Variants in FTCDNL1 observed in about 807,000 individuals in gnomAD.
FTCDNL1 encodes the protein formiminotransferase cyclodeaminase N-terminal like, also known as formiminotransferase N-terminal subdomain-containing protein.
In FTCDNL1, 11 loss-of-function variants were observed where a neutral mutation model predicts 5.9. The ratio of observed to expected loss-of-function variants is 1.87; its 90% CI spans 1.18 to 3.10. The LOEUF (loss-of-function observed/expected upper bound fraction) is 3.10, where lower values mean the gene tolerates loss of function less well. FTCDNL1 is among the 30% of genes most tolerant of loss of function. The probability of loss-of-function intolerance (pLI) is 0.00; values close to 1 mark genes in which losing one functional copy is unlikely to be tolerated. For missense variants in FTCDNL1, 115 were observed against 65.5 expected (o/e 1.76, Z -2.61); for synonymous variants, 58 against 24.8 (o/e 2.34, Z -3.99).
chr2:199,850,236 T>C (rs2076839668), intron 1 of FTCDNL1, among the ~76,000 whole-genome samples: 1 of 152,222 alleles, frequency 6.6e-6, no homozygotes, highest in African/African-American at 2.4e-5. Flanking sequence ...ATTGTTGTAA[T>C]AAAGCAACCC....
chr2:199,715,158 G>T, the FTCDNL1 span, among the ~76,000 whole-genome samples: 3 of 152,006 alleles, frequency 2.0e-5, no homozygotes, highest in Non-Finnish European at 4.4e-5. Flanking sequence ...CCTGCCTTCA[G>T]ACTTTTTGTA....
the FTCDNL1 span, among the ~76,000 whole-genome samples, chr2:199,682,483 ACAGCCTG>A: frequency 6.6e-6 from 1 of 152,212 alleles, no homozygotes; most frequent in Non-Finnish European, 1.5e-5. Context: ...GAATAAAAAG[ACAGCCTG>A]CATTTGAAAG....
At chr2:199,735,687 T>C in the FTCDNL1 span, among the ~76,000 whole-genome samples, 4,152 of 152,240 alleles carry the variant, frequency 0.027, 186 homozygotes, top group African/African-American at 0.095. Flanking sequence ...TGTTTGGTGG[T>C]GAGCAAGCAC....
chr2:199,794,425 G>T (rs577097408), intron 3 of FTCDNL1, among the ~76,000 whole-genome samples: 9 of 152,148 alleles, frequency 5.9e-5, no homozygotes, highest in South Asian at 4.1e-4. Flanking sequence ...TAATAACCAC[G>T]TTTCTACTTC....
In FTCDNL1 at chr2:199,812,724, G is replaced by A. The variant is rs1701108229; in HGVS notation, c.398C>T (p.Ala133Val). Residue 133 changes from alanine to valine, a missense_variant and splice_region_variant, in exon 5 of 5, where the codon GCT becomes GTT. Coordinates refer to ENST00000420128, the MANE Select transcript of FTCDNL1 (RefSeq NM_001363886.2). Reference protein sequence around the residue: ...AAPSQRCGLTACFRAL With the variant: ...AAPSQRCGLTVCFRAL The stretch of plus-strand genomic sequence containing the variant: ...CAACTGTCACAACGCCCTGAAGCAA[G>A]CTAAAAACAAGGAAAAAAATCTTTG... The A allele has an allele frequency of 1.4e-6, 1 of 697,878 alleles. No individual in the cohort carries two copies. The allele number at this position is 697,878 out of a possible 1,614,324, so 43.2% of individuals were successfully genotyped here. A position where few individuals can be genotyped will look rare whatever the true frequency, so the allele number is the denominator to read the frequency against.
chr2:199,788,860 A>G (rs75101251), intron 3 of FTCDNL1, among the ~76,000 whole-genome samples: 1 of 152,056 alleles, frequency 6.6e-6, no homozygotes, highest in East Asian at 1.9e-4. Flanking sequence ...AGATACAGAC[A>G]GAGAAGAGAT....
chr2:199,688,075 C>T, the FTCDNL1 span, among the ~76,000 whole-genome samples: 99,421 of 151,504 alleles, frequency 0.66, 36,125 homozygotes, highest in South Asian at 0.9. Flanking sequence ...AGCGAAACCC[C>T]ATCTCTACTA....
chr2:199,731,407 A>G, the FTCDNL1 span, among the ~76,000 whole-genome samples: 16 of 152,178 alleles, frequency 1.1e-4, no homozygotes, highest in Non-Finnish European at 1.8e-4. Flanking sequence ...AACCTAATTG[A>G]GAGAATTTAT....
chr2:199,775,399 G>C (rs1343953866), intron 3 of FTCDNL1, among the ~76,000 whole-genome samples: 1 of 152,218 alleles, frequency 6.6e-6, no homozygotes, highest in Non-Finnish European at 1.5e-5. Flanking sequence ...ATTGAGGCAA[G>C]GAGGCTGGCC....
intron 3 of FTCDNL1, among the ~76,000 whole-genome samples, chr2:199,789,638 A>T (rs938224985): frequency 6.6e-6 from 1 of 152,156 alleles, no homozygotes; most frequent in Non-Finnish European, 1.5e-5. Context: ...AATAGCTTGC[A>T]TAAGAATTGA....
intron 3 of FTCDNL1, among the ~76,000 whole-genome samples, chr2:199,780,317 G>T (rs575731397): frequency 1.4e-4 from 21 of 152,142 alleles, no homozygotes; most frequent in African/African-American, 5.1e-4. Context: ...CAAATCCTGA[G>T]GAGGGACTCT....
the FTCDNL1 span, among the ~76,000 whole-genome samples, chr2:199,743,376 G>T: frequency 6.6e-6 from 1 of 152,234 alleles, no homozygotes; most frequent in South Asian, 2.1e-4. Flanking sequence ...ATGTGAAATT[G>T]TATATTCTCT....
At chr2:199,795,183 T>A (rs2106378032) in intron 3 of FTCDNL1, among the ~76,000 whole-genome samples, 1 of 152,322 alleles carries the variant, frequency 6.6e-6, no homozygotes, top group Non-Finnish European at 1.5e-5. Flanking sequence ...CTGATAAAAT[T>A]ACTTTTCCAG....
the FTCDNL1 span, among the ~76,000 whole-genome samples, chr2:199,736,728 A>C: frequency 6.6e-6 from 1 of 152,248 alleles, no homozygotes. Flanking sequence ...TCGGCATCAC[A>C]GTAGTGATAT....
At chr2:199,768,084 A>C (rs896070980) in intron 3 of FTCDNL1, among the ~76,000 whole-genome samples, 16 of 152,222 alleles carry the variant, frequency 1.1e-4, no homozygotes, top group African/African-American at 3.4e-4. Context: ...GACAGTGAAG[A>C]GTATTGTGCC....
At chr2:199,756,255 A>G (rs1308810683), downstream of FTCDNL1, among the ~76,000 whole-genome samples, 1 of 152,238 alleles carries the variant, frequency 6.6e-6, no homozygotes, top group Non-Finnish European at 1.5e-5. Flanking sequence ...TACTTTAAAT[A>G]AAGTGATAGA....
At chr2:199,788,376 T>C (rs1180711749) in intron 3 of FTCDNL1, among the ~76,000 whole-genome samples, 1 of 152,180 alleles carries the variant, frequency 6.6e-6, no homozygotes, top group African/African-American at 2.4e-5. Context: ...GCATATTCTA[T>C]GATCACAGTA....
the FTCDNL1 span, among the ~76,000 whole-genome samples, chr2:199,713,656 T>A: frequency 6.6e-6 from 1 of 152,242 alleles, no homozygotes; most frequent in Non-Finnish European, 1.5e-5. Context: ...GCCGTGTTAG[T>A]CTTATAATAT....
intron 3 of FTCDNL1, 115 bp downstream of exon 3, chr2:199,845,957 CTTT>C: frequency 2.1e-6 from 1 of 486,706 alleles, no homozygotes; most frequent in Non-Finnish European, 3.6e-6. Flanking sequence ...GTGGTAGACT[CTTT>C]ACTTAATAGA....
Sources: gnomAD v4.1 joint callset for allele counts (sites outside exome capture counted in the v4.1 genomes callset) on GRCh38, gnomAD v4.1.1 for gene constraint, MANE v1.5 for transcripts, NCBI Gene and HGNC (gene_info 2026-07-23, HGNC 2026-07-21) for gene names.